Variants in EBF2 observed in about 807,000 individuals in gnomAD.
EBF2 encodes EBF transcription factor 2, also known as transcription factor COE2.
EBF2 carries 21 observed loss-of-function variants against 72.8 expected under a neutral mutation model. The ratio of observed to expected loss-of-function variants is 0.29; its 90% CI spans 0.20 to 0.42. The LOEUF (loss-of-function observed/expected upper bound fraction) is 0.42, where lower values mean the gene tolerates loss of function less well. Among genes scored for constraint, EBF2 ranks in the 10% least tolerant of loss-of-function variants. EBF2 has a pLI of 1.00. For missense variants in EBF2, 637 were observed against 731.2 expected (o/e 0.87, Z 1.49); for synonymous variants, 299 against 274.2 (o/e 1.09, Z -0.89).
rs140785821 is a variant in EBF2, at chr8:25,842,254, A to G, written c.*2355T>C. 23 of 152,300 alleles carry G rather than the reference A, an allele frequency of 1.5e-4. No individual in the cohort carries two copies. The highest frequency in any genetic ancestry group is 5.3e-4 in the African/African-American group (22 of 41,576). 9.4% of individuals were successfully genotyped at this position (152,300 alleles called of 1,614,324 possible). On this transcript the variant is annotated 3_prime_UTR_variant, in exon 16 of 16. Transcript: ENST00000520164. ...TTAATTTATTAGTACACTAAAAATA[A>G]TCCTTACACACATTTGTACAATTAA...
chr8:25,870,595 G>T (rs1209031725), intron 10 of EBF2, among the ~76,000 whole-genome samples: 1 of 152,110 alleles, frequency 6.6e-6, no homozygotes, highest in Non-Finnish European at 1.5e-5. Flanking sequence ...GGATGGAGAT[G>T]AGTTTTTTTA....
chr8:25,917,199 G>GT (rs3034248), intron 6 of EBF2, among the ~76,000 whole-genome samples: 1,547 of 143,050 alleles, frequency 0.011, 16 homozygotes, highest in Middle Eastern at 0.027. Context: ...GTGGTTTGGG[G>GT]TTTTTTTTTT....
chr8:25,990,814 C>T (rs1804530352), intron 6 of EBF2, among the ~76,000 whole-genome samples: 1 of 152,240 alleles, frequency 6.6e-6, no homozygotes, highest in South Asian at 2.1e-4. Flanking sequence ...CGTCTTTCAG[C>T]TCTTCTGTGT....
At position 25,866,443 on chromosome 8, in the gene EBF2, AATAT is replaced by A. The variant is rs58044762; in HGVS notation, c.1010-3650_1010-3647del. Among the ~76,000 whole-genome samples, 23 of 140,112 alleles carry A rather than the reference AATAT, an allele frequency of 1.6e-4. 1 individual carries two copies. Among genetic ancestry groups the A allele is most frequent in the Non-Finnish European group, 1.7e-4 (11 of 65,454 alleles). 91.9% of individuals were successfully genotyped at this position (140,112 alleles called of 152,430 possible). The stretch of plus-strand genomic sequence containing the variant: ...GGCCAGATTTTTTATTTATATATAT[AATAT>A]ATATATATATATAATATATAGGATA... On this transcript the variant is annotated intron_variant, in intron 10 of 15. Coordinates refer to ENST00000520164, the MANE Select transcript of EBF2 (RefSeq NM_022659.4).
intron 6 of EBF2, among the ~76,000 whole-genome samples, chr8:26,023,573 CT>C (rs1253296094): frequency 1.3e-5 from 2 of 152,164 alleles, no homozygotes; most frequent in Non-Finnish European, 2.9e-5. Flanking sequence ...CTTTCTCCCT[CT>C]TTTCTAAAGA....
At chr8:26,007,156 G>A (rs578079094) in intron 6 of EBF2, among the ~76,000 whole-genome samples, 2 of 152,338 alleles carry the variant, frequency 1.3e-5, no homozygotes, top group African/African-American at 4.8e-5. Context: ...TTGCTTCAGT[G>A]AAGTTTTCTT....
rs531098945 is a variant in EBF2 at position 25,983,337 on chromosome 8, C to T, written c.551+49748G>A. On this transcript the variant is annotated intron_variant, in intron 6 of 15. Transcript: ENST00000520164. ...TGTAAAAATGCGCCTGTGAAAAAGA[C>T]GGAAGGGGACACACAAAAGCGAAAG... Among the ~76,000 whole-genome samples the T allele has an allele frequency of 1.2e-3, 178 of 152,262 alleles. 1 individual carries two copies. The highest frequency in any genetic ancestry group is 3.3e-3 in the Admixed American group (50 of 15,296).
At chr8:25,964,025 C>T (rs1804075933) in intron 6 of EBF2, among the ~76,000 whole-genome samples, 1 of 152,090 alleles carries the variant, frequency 6.6e-6, no homozygotes, top group South Asian at 2.1e-4. Context: ...ATAGAAGGCT[C>T]CTAACAGTAC....
chr8:25,868,539 T>TGCACG (rs760466462), intron 10 of EBF2, among the ~76,000 whole-genome samples: 13 of 152,294 alleles, frequency 8.5e-5, no homozygotes, highest in Non-Finnish European at 1.8e-4. Flanking sequence ...TGGAGTGCAG[T>TGCACG]GCACGATCAC....
intron 7 of EBF2, among the ~76,000 whole-genome samples, chr8:25,899,852 C>G (rs965371412): frequency 7.2e-6 from 1 of 139,782 alleles, no homozygotes; most frequent in African/African-American, 2.5e-5. Context: ...CTCACATGAT[C>G]CAACCACCCT....
chr8:26,004,552 G>A (rs574832766), intron 6 of EBF2, among the ~76,000 whole-genome samples: 30 of 151,840 alleles, frequency 2.0e-4, no homozygotes, highest in African/African-American at 6.3e-4. Flanking sequence ...GCATACGCCT[G>A]TAGTCCCAGT....
At chr8:25,864,653 T>C (rs556856368) in intron 10 of EBF2, among the ~76,000 whole-genome samples, 1 of 152,324 alleles carries the variant, frequency 6.6e-6, no homozygotes, top group East Asian at 1.9e-4. Flanking sequence ...CACAATTTAT[T>C]GAATGGTTTC....
intron 6 of EBF2, among the ~76,000 whole-genome samples, chr8:26,011,316 A>G (rs1804978291): frequency 6.6e-6 from 1 of 152,226 alleles, no homozygotes; most frequent in South Asian, 2.1e-4. Context: ...AGTAAAAGAA[A>G]GCGATAGCAG....
chr8:25,957,972 A>C lies in EBF2; in HGVS notation c.552-49417T>G, dbSNP rs1454468748. On this transcript the variant is annotated intron_variant, in intron 6 of 15. Transcript: ENST00000520164. ...CCTGCCAGATGGGAGTGAGGAAGGC[A>C]GGCAGAACGCAAAAGGCAAGCTTCC... 2.0e-5 allele frequency among the ~76,000 whole-genome samples: 3 copies of C among 152,362 alleles called. No individual in the cohort carries two copies. In the East Asian group the frequency reaches 5.8e-4, roughly 29 times the overall value.
At chr8:25,946,982 TA>T (rs774617508) in intron 6 of EBF2, among the ~76,000 whole-genome samples, 3 of 152,306 alleles carry the variant, frequency 2.0e-5, no homozygotes, top group Admixed American at 6.5e-5. Flanking sequence ...CCTAATACAA[TA>T]ATACAATTTG....
rs139480618 is a variant in EBF2 at position 25,926,267 on chromosome 8, C to G, written c.552-17712G>C. ...GAGGGTTTCTGTGTATTCTCTGGCC[C>G]TGAATCCAAGGCAGGCTGGCTCCCC... On this transcript the variant is annotated intron_variant, in intron 6 of 15. Coordinates refer to ENST00000520164, the MANE Select transcript of EBF2 (RefSeq NM_022659.4). Among the ~76,000 whole-genome samples, 630 of 152,230 alleles carry G rather than the reference C, an allele frequency of 4.1e-3. 5 individuals are homozygous for G. The highest frequency in any genetic ancestry group is 0.014 in the African/African-American group (600 of 41,528).
intron 15 of EBF2, among the ~76,000 whole-genome samples, chr8:25,848,520 C>A (rs1319801964): frequency 6.6e-6 from 1 of 152,076 alleles, no homozygotes; most frequent in East Asian, 1.9e-4. Context: ...CTTGGGCATG[C>A]AGCAGGAAGT....
chr8:25,852,364 T>C (rs1270058332), intron 14 of EBF2, among the ~76,000 whole-genome samples: 1 of 152,120 alleles, frequency 6.6e-6, no homozygotes, highest in Non-Finnish European at 1.5e-5. Context: ...GGTACAGAAT[T>C]AGAAGCCAAA....
intron 10 of EBF2, among the ~76,000 whole-genome samples, chr8:25,880,564 T>C (rs1455893365): frequency 6.6e-6 from 1 of 152,132 alleles, no homozygotes; most frequent in Non-Finnish European, 1.5e-5. Flanking sequence ...GTGTGCAAAG[T>C]GTTTGTTTTT....
Sources: gnomAD v4.1 joint callset for allele counts (sites outside exome capture counted in the v4.1 genomes callset) on GRCh38, gnomAD v4.1.1 for gene constraint, MANE v1.5 for transcripts, NCBI Gene and HGNC (gene_info 2026-07-23, HGNC 2026-07-21) for gene names.